The following GALNTL6 variants were observed in gnomAD, a reference collection of about 807,000 sequenced individuals.
GALNTL6 encodes the protein polypeptide N-acetylgalactosaminyltransferase like 6.
Under a neutral mutation model 73.7 loss-of-function variants are expected in GALNTL6, and 46 were observed. The ratio of observed to expected loss-of-function variants is 0.62; its 90% CI spans 0.49 to 0.80. The LOEUF (loss-of-function observed/expected upper bound fraction) is 0.80. GALNTL6 is among the 30% of genes least tolerant of loss of function. The probability of loss-of-function intolerance (pLI) is 0.00; values close to 1 mark genes in which losing one functional copy is unlikely to be tolerated. For synonymous variants in GALNTL6, 259 were observed against 263.7 expected (o/e 0.98, Z 0.17); for missense variants, 604 against 755.0 (o/e 0.80, Z 2.34).
At chr4:172,167,682 G>T (rs1406627665) in intron 2 of GALNTL6, among the ~76,000 whole-genome samples, 1 of 152,118 alleles carries the variant, frequency 6.6e-6, no homozygotes, top group Non-Finnish European at 1.5e-5. Context: ...TTTCTGGCCG[G>T]GCGCGGTGGC....
At position 172,493,297 on chromosome 4, in the gene GALNTL6, A is replaced by G. The variant is rs974411749; in HGVS notation, c.553+144608A>G. 3.9e-5 allele frequency among the ~76,000 whole-genome samples: 6 copies of G among 152,186 alleles called. 1 individual carries two copies. The South Asian group carries it at 6.2e-4, about 16-fold the overall frequency. On this transcript the variant is annotated intron_variant, in intron 5 of 12. Transcript: ENST00000506823. ...TGTAAATAATATTTTGAGAGTTTCA[A>G]TGGGTTGCTACCACTAACAGAAAGA... is the stretch of plus-strand genomic sequence containing the variant.
intron 5 of GALNTL6, among the ~76,000 whole-genome samples, chr4:172,517,837 G>T (rs1347693855): frequency 2.0e-5 from 3 of 151,902 alleles, no homozygotes. Context: ...CAATTTCCAG[G>T]CTAAATTAAA....
chr4:171,993,079 A>T (rs1285316805), intron 2 of GALNTL6, among the ~76,000 whole-genome samples: 1 of 151,952 alleles, frequency 6.6e-6, no homozygotes, highest in East Asian at 1.9e-4. Context: ...CGTCTCTGCC[A>T]ACTCCCTCCC....
At chr4:172,771,547 C>T (rs924021602) in intron 5 of GALNTL6, among the ~76,000 whole-genome samples, 2 of 152,160 alleles carry the variant, frequency 1.3e-5, no homozygotes, top group Non-Finnish European at 2.9e-5. Context: ...GTATGGAAGA[C>T]TTTGATTTCC....
At chr4:172,138,638 T>C (rs1733720077) in intron 2 of GALNTL6, among the ~76,000 whole-genome samples, 1 of 142,126 alleles carries the variant, frequency 7.0e-6, no homozygotes, top group South Asian at 2.4e-4. Context: ...CACGCCATTC[T>C]CCTGCCTCAG....
intron 5 of GALNTL6, among the ~76,000 whole-genome samples, chr4:172,464,639 A>C (rs1732740230): frequency 6.6e-6 from 1 of 152,040 alleles, no homozygotes; most frequent in Non-Finnish European, 1.5e-5. Context: ...CCCAAGAGGC[A>C]GAGGCTGCAG....
At chr4:172,126,581 AG>A (rs1733301157) in intron 2 of GALNTL6, among the ~76,000 whole-genome samples, 1 of 152,172 alleles carries the variant, frequency 6.6e-6, no homozygotes, top group African/African-American at 2.4e-5. Flanking sequence ...GCAAAGGGTA[AG>A]TGAGTGACCC....
chr4:171,944,979 A>G (rs1423888685), intron 2 of GALNTL6, among the ~76,000 whole-genome samples: 1 of 152,046 alleles, frequency 6.6e-6, no homozygotes, highest in Non-Finnish European at 1.5e-5. Context: ...CAGAAGTAAA[A>G]GAGTATAGAA....
intron 5 of GALNTL6, among the ~76,000 whole-genome samples, chr4:172,637,220 G>A (rs997998179): frequency 1.3e-5 from 2 of 151,980 alleles, no homozygotes; most frequent in African/African-American, 2.4e-5. Flanking sequence ...ATTAAAACTT[G>A]GTTTAGAATA....
intron 4 of GALNTL6, among the ~76,000 whole-genome samples, chr4:172,328,334 T>G (rs1578959673): frequency 1.3e-5 from 2 of 152,236 alleles, no homozygotes; most frequent in Middle Eastern, 3.4e-3. Flanking sequence ...TTTCTTTCAT[T>G]TTGCCCTTGG....
At chr4:172,920,809 C>T (rs935958332) in intron 8 of GALNTL6, among the ~76,000 whole-genome samples, 5 of 152,114 alleles carry the variant, frequency 3.3e-5, no homozygotes, top group Non-Finnish European at 7.4e-5. Context: ...TATTAATAAA[C>T]CAATAACTCA....
intron 8 of GALNTL6, among the ~76,000 whole-genome samples, chr4:172,896,651 A>G (rs557631708): frequency 3.9e-5 from 6 of 152,286 alleles, no homozygotes; most frequent in African/African-American, 9.6e-5. Context: ...ATTGAGTCAC[A>G]TTGGCTCAAA....
In GALNTL6 at chr4:172,592,670, G is replaced by GTCTGTCTA. The variant is rs71592086; in HGVS notation, c.554-216688_554-216687insGTCTATCT. Among the ~76,000 whole-genome samples, 168 of 142,092 alleles carry GTCTGTCTA rather than the reference G, an allele frequency of 1.2e-3. 1 individual carries two copies. Among genetic ancestry groups the GTCTGTCTA allele is most frequent in the East Asian group, 1.9e-3 (9 of 4,744 alleles). The allele number at this position is 142,092 out of a possible 152,430, so 93.2% of individuals were successfully genotyped here. A position where few individuals can be genotyped will look rare whatever the true frequency, so the allele number is the denominator to read the frequency against. On this transcript the variant is annotated intron_variant, in intron 5 of 12. Transcript: ENST00000506823. Reference sequence around the variant, plus strand: ...CAAATCTATATCTGTCTGTCTGTCTGTCTATCTATCTATCTATCTATCTAT... The same window carrying GTCTGTCTA: ...CAAATCTATATCTGTCTGTCTGTCTGTCTGTCTATCTATCTATCTATCTATCTATCTAT...
At chr4:172,703,204 T>C (rs528561153) in intron 5 of GALNTL6, among the ~76,000 whole-genome samples, 1 of 152,158 alleles carries the variant, frequency 6.6e-6, no homozygotes, top group African/African-American at 2.4e-5. Flanking sequence ...TTTGCCTAAT[T>C]GCTCTGACTA....
chr4:172,351,553 A>G (rs1311736167), intron 5 of GALNTL6, among the ~76,000 whole-genome samples: 5 of 152,112 alleles, frequency 3.3e-5, no homozygotes, highest in Non-Finnish European at 7.4e-5. Flanking sequence ...GGCCTCTAAG[A>G]GAGAAAAACT....
chr4:172,382,290 T>A (rs1001717872), intron 5 of GALNTL6, among the ~76,000 whole-genome samples: 9 of 151,952 alleles, frequency 5.9e-5, no homozygotes, highest in African/African-American at 2.2e-4. Flanking sequence ...TTTTTTTTTT[T>A]AAGTTTGGTT....
chr4:172,073,862 T>C (rs889430244), intron 2 of GALNTL6, among the ~76,000 whole-genome samples: 7 of 152,190 alleles, frequency 4.6e-5, no homozygotes, highest in Admixed American at 1.3e-4. Context: ...GGAGGGACTC[T>C]GTAAGTCAAA....
At chr4:172,918,726 T>C (rs1008782582) in intron 8 of GALNTL6, among the ~76,000 whole-genome samples, 1 of 152,176 alleles carries the variant, frequency 6.6e-6, no homozygotes, top group African/African-American at 2.4e-5. Context: ...CTCCTCCAGA[T>C]GCTGTGTGTA....
intron 5 of GALNTL6, among the ~76,000 whole-genome samples, chr4:172,549,590 C>T (rs1352434953): frequency 1.3e-5 from 2 of 151,188 alleles, no homozygotes; most frequent in Non-Finnish European, 2.9e-5. Flanking sequence ...CTCTACCTAC[C>T]ACAATGCAAT....
Sources: allele counts gnomAD v4.1 joint callset (sites outside exome capture counted in the v4.1 genomes callset), GRCh38; gene constraint gnomAD v4.1.1; transcripts MANE v1.5; gene names NCBI Gene and HGNC (gene_info 2026-07-23, HGNC 2026-07-21).